ZNF407: variants seen among roughly 807,000 people sequenced by gnomAD.
ZNF407 encodes the protein zinc finger protein 407.
ZNF407 carries 17 observed loss-of-function variants against 131.2 expected under a neutral mutation model. That is an observed-to-expected ratio of 0.13 (90% CI 0.09 to 0.19). The LOEUF is 0.19. ZNF407 is among the 10% of genes least tolerant of loss of function. The pLI is 1.00. For missense variants in ZNF407, 2,681 were observed against 2,830.6 expected (o/e 0.95, Z 1.20); for synonymous variants, 1,156 against 1,062.0 (o/e 1.09, Z -1.72).
chr18:74,817,799 C>T (rs945609889), intron 4 of ZNF407, among the ~76,000 whole-genome samples: 7 of 152,104 alleles, frequency 4.6e-5, no homozygotes, highest in African/African-American at 1.7e-4. Flanking sequence ...GTATTAAATC[C>T]TCCAGAGAAG....
chr18:74,831,777 G>A (rs1321966300), intron 4 of ZNF407, among the ~76,000 whole-genome samples: 4 of 152,114 alleles, frequency 2.6e-5, no homozygotes, highest in Non-Finnish European at 2.9e-5. Context: ...CCCTGAGTGT[G>A]GGGACCTCTC....
intron 3 of ZNF407, among the ~76,000 whole-genome samples, chr18:74,676,561 C>G (rs146869107): frequency 6.6e-6 from 1 of 151,670 alleles, no homozygotes; most frequent in Non-Finnish European, 1.5e-5. Context: ...CTCAACCTCC[C>G]GAGTAGCTGG....
At chr18:75,023,781 A>G (rs756475744) in intron 8 of ZNF407, among the ~76,000 whole-genome samples, 3 of 152,234 alleles carry the variant, frequency 2.0e-5, no homozygotes, top group Non-Finnish European at 4.4e-5. Flanking sequence ...CACATTCAAT[A>G]GAACCTACTT....
At chr18:74,923,988 A>T (rs1971880456) in intron 8 of ZNF407, among the ~76,000 whole-genome samples, 1 of 152,212 alleles carries the variant, frequency 6.6e-6, no homozygotes, top group African/African-American at 2.4e-5. Context: ...CAAAAGTTGT[A>T]TATTCACATA....
chr18:74,682,656 C>G (rs1490778855), intron 3 of ZNF407, among the ~76,000 whole-genome samples: 1 of 152,114 alleles, frequency 6.6e-6, no homozygotes, highest in East Asian at 1.9e-4. Context: ...CTAGCCAAGT[C>G]GGTTTTCTTA....
At chr18:74,988,204 T>A (rs148745922) in intron 8 of ZNF407, among the ~76,000 whole-genome samples, 84 of 152,230 alleles carry the variant, frequency 5.5e-4, no homozygotes, top group African/African-American at 1.8e-3. Flanking sequence ...ATATTATATA[T>A]CCATATAAAA....
At chr18:74,909,319 C>G (rs1034258651) in intron 7 of ZNF407, among the ~76,000 whole-genome samples, 5 of 151,896 alleles carry the variant, frequency 3.3e-5, no homozygotes, top group Non-Finnish European at 7.4e-5. Context: ...AATATAAAAA[C>G]TAGTGGTAGG....
intron 8 of ZNF407, among the ~76,000 whole-genome samples, chr18:75,023,038 A>C (rs1364182818): frequency 6.6e-6 from 1 of 152,098 alleles, no homozygotes; most frequent in Non-Finnish European, 1.5e-5. Flanking sequence ...TGGGACTTGG[A>C]TGGAGCTGGA....
At chr18:74,603,360 T>C (rs367879756) in intron 1 of ZNF407, among the ~76,000 whole-genome samples, 1 of 152,136 alleles carries the variant, frequency 6.6e-6, no homozygotes, top group Non-Finnish European at 1.5e-5. Context: ...CAACGAAAAA[T>C]TGCAAATAGT....
intron 8 of ZNF407, among the ~76,000 whole-genome samples, chr18:75,016,240 G>GT (rs1555709851): frequency 6.6e-6 from 1 of 152,008 alleles, no homozygotes; most frequent in Non-Finnish European, 1.5e-5. Context: ...AACCATGACC[G>GT]TTTCCTGGTT....
At chr18:74,658,024 C>T (rs1985549110) in intron 3 of ZNF407, among the ~76,000 whole-genome samples, 1 of 151,196 alleles carries the variant, frequency 6.6e-6, no homozygotes, top group South Asian at 2.1e-4. Flanking sequence ...CCCTTCTCTT[C>T]TTCATGTGGA....
At chr18:74,658,093 G>A (rs1476493550) in intron 3 of ZNF407, among the ~76,000 whole-genome samples, 5 of 148,478 alleles carry the variant, frequency 3.4e-5, no homozygotes, top group African/African-American at 1.0e-4. Flanking sequence ...TACAATAGAA[G>A]CAGCAGTTGT....
intron 7 of ZNF407, among the ~76,000 whole-genome samples, chr18:74,902,085 C>A (rs1971533300): frequency 6.6e-6 from 1 of 152,178 alleles, no homozygotes; most frequent in South Asian, 2.1e-4. Flanking sequence ...GGTGATAAGG[C>A]AGAGTAATTG....
At chr18:74,936,871 TAA>T (rs1209083226) in intron 8 of ZNF407, among the ~76,000 whole-genome samples, 5 of 152,240 alleles carry the variant, frequency 3.3e-5, no homozygotes, top group Non-Finnish European at 1.5e-5. Flanking sequence ...AAAGCTGAAT[TAA>T]TAATTCTCAA....
rs761673520 is a variant in ZNF407, at chr18:74,633,284, A to G, written c.2265A>G (p.Arg755=). The G allele has an allele frequency of 1.2e-6, 2 of 1,612,418 alleles. No individual in the cohort carries two copies. Among genetic ancestry groups the G allele is most frequent in the African/African-American group, 1.3e-5 (1 of 74,710 alleles). ...SKEGMEKHIK[R]SKHLENAKKN... The stretch of plus-strand genomic sequence containing the variant: ...AAGGAATGGAGAAACACATTAAAAG[A>G]AGCAAGCATCTTGAAAATGCTAAGA... The change falls in exon 2 of 9, where the codon AGA becomes AGG. Residue 755 remains arginine, a synonymous_variant. Transcript: ENST00000299687.
intron 4 of ZNF407, among the ~76,000 whole-genome samples, chr18:74,831,621 T>C (rs1014734241): frequency 1.3e-5 from 2 of 152,210 alleles, no homozygotes; most frequent in African/African-American, 4.8e-5. Flanking sequence ...CTGAATAATA[T>C]TACACCGTGT....
At chr18:75,036,804 T>C (rs1599305854) in intron 8 of ZNF407, among the ~76,000 whole-genome samples, 1 of 152,346 alleles carries the variant, frequency 6.6e-6, no homozygotes, top group Middle Eastern at 3.4e-3. Flanking sequence ...AATCCCGTGA[T>C]TCATGAAAGC....
chr18:74,619,847 G>A (rs1453654871), intron 1 of ZNF407, among the ~76,000 whole-genome samples: 1 of 151,994 alleles, frequency 6.6e-6, no homozygotes. Context: ...GTCTTTAGTT[G>A]TACGAGATGG....
At chr18:74,676,653 C>G (rs545538373) in intron 3 of ZNF407, among the ~76,000 whole-genome samples, 8 of 151,978 alleles carry the variant, frequency 5.3e-5, no homozygotes, top group Middle Eastern at 3.2e-3. Flanking sequence ...CCAGGATGGT[C>G]TCGATCTCCT....
Sources: gnomAD v4.1 joint callset for allele counts (sites outside exome capture counted in the v4.1 genomes callset) on GRCh38, gnomAD v4.1.1 for gene constraint, MANE v1.5 for transcripts, NCBI Gene and HGNC (gene_info 2026-07-23, HGNC 2026-07-21) for gene names.